The following CXADR variants were observed in gnomAD, a reference collection of about 807,000 sequenced individuals.
CXADR encodes CXADR cell adhesion molecule.
In CXADR, 20 loss-of-function variants were observed where a neutral mutation model predicts 40.3. That is an observed-to-expected ratio of 0.50 (90% CI 0.35 to 0.72). The LOEUF is 0.72. CXADR is among the 30% of genes least tolerant of loss of function. The pLI is 0.01. For missense variants in CXADR, 332 were observed against 449.1 expected (o/e 0.74, Z 2.36); for synonymous variants, 150 against 161.3 (o/e 0.93, Z 0.53).
intron 1 of CXADR, among the ~76,000 whole-genome samples, chr21:17,533,880 T>C (rs1372678510): frequency 6.6e-6 from 1 of 151,274 alleles, no homozygotes; most frequent in East Asian, 1.9e-4. Context: ...GCTGTATTAA[T>C]TTCCTTAGCT....
intron 7 of CXADR, among the ~76,000 whole-genome samples, chr21:17,577,502 C>G (rs2061329891): frequency 6.7e-6 from 1 of 148,570 alleles, no homozygotes; most frequent in Non-Finnish European, 1.5e-5. Flanking sequence ...GAGTCTTTTT[C>G]ATTCTTTTGA....
intron 6 of CXADR, among the ~76,000 whole-genome samples, chr21:17,564,565 C>A (rs1243255198): frequency 6.6e-6 from 1 of 151,710 alleles, no homozygotes; most frequent in Non-Finnish European, 1.5e-5. Flanking sequence ...GATGTGGAAC[C>A]CGTGGATGTG....
In CXADR at chr21:17,593,287, GCA is replaced by G. The variant is rs139506624; in HGVS notation, c.*97_*98del. On this transcript the variant is annotated 3_prime_UTR_variant, in exon 8 of 8. Transcript: ENST00000400169. ...AAATGTTTTTTAAAAAAAGCACAAG[GCA>G]CAGAGATTAGAGCAGCTGTAAGAAC... 2.8e-3 allele frequency: 3,193 copies of G among 1,143,762 alleles called. 87 individuals are homozygous for G. The African/African-American group carries it at 0.046, about 17-fold the overall frequency. 70.9% of individuals were successfully genotyped at this position (1,143,762 alleles called of 1,614,324 possible).
chr21:17,564,900 A>C (rs947112481), intron 6 of CXADR, among the ~76,000 whole-genome samples: 2 of 151,988 alleles, frequency 1.3e-5, no homozygotes, highest in African/African-American at 4.8e-5. Flanking sequence ...AAGCCCGGCT[A>C]ATTTTTGTAT....
downstream of CXADR, chr21:17,593,815 G>C: frequency 2.8e-6 from 1 of 352,134 alleles, no homozygotes; most frequent in Non-Finnish European, 5.1e-6. Context: ...CAGTGTTCTC[G>C]TATCCAACAG....
intron 1 of CXADR, among the ~76,000 whole-genome samples, chr21:17,541,514 C>T (rs1372625246): frequency 6.6e-6 from 1 of 151,978 alleles, no homozygotes; most frequent in South Asian, 2.1e-4. Context: ...GCCAAGATCG[C>T]GCCACTACAT....
At chr21:17,555,070 A>C (rs2061016752) in intron 3 of CXADR, among the ~76,000 whole-genome samples, 2 of 152,186 alleles carry the variant, frequency 1.3e-5, no homozygotes, top group African/African-American at 4.8e-5. Flanking sequence ...CTCAGTAAAG[A>C]AGCAGAAGTG....
At chr21:17,517,891 TCTGA>T (rs1249112766) in intron 1 of CXADR, among the ~76,000 whole-genome samples, 9 of 152,182 alleles carry the variant, frequency 5.9e-5, no homozygotes, top group African/African-American at 1.9e-4. Flanking sequence ...TTCTTCTGGG[TCTGA>T]CTAGGTAAGT....
the CXADR span, among the ~76,000 whole-genome samples, chr21:17,624,927 A>AT: frequency 6.6e-6 from 1 of 152,268 alleles, no homozygotes; most frequent in Non-Finnish European, 1.5e-5. Context: ...TAAAAGAAAC[A>AT]TCCCCCATTA....
intron 2 of CXADR, among the ~76,000 whole-genome samples, chr21:17,551,142 A>G (rs188628490): frequency 2.6e-5 from 4 of 152,264 alleles, no homozygotes; most frequent in African/African-American, 2.4e-5. Context: ...ACTCACACCT[A>G]TAATCACAGC....
chr21:17,589,713 C>A (rs922860063), intron 7 of CXADR, among the ~76,000 whole-genome samples: 1 of 151,926 alleles, frequency 6.6e-6, no homozygotes, highest in African/African-American at 2.4e-5. Context: ...ATTTTTGCCA[C>A]CCAAAACAAT....
At chr21:17,525,360 G>A (rs1217802457) in intron 1 of CXADR, among the ~76,000 whole-genome samples, 5 of 152,196 alleles carry the variant, frequency 3.3e-5, no homozygotes, top group Non-Finnish European at 5.9e-5. Context: ...ATCGTTAGAT[G>A]TGTGTTCTAT....
chr21:17,617,244 T>C, the CXADR span, among the ~76,000 whole-genome samples: 1 of 152,166 alleles, frequency 6.6e-6, no homozygotes, highest in African/African-American at 2.4e-5. Context: ...TAGGTAGAAC[T>C]TCATATTGGA....
chr21:17,613,031 CG>C, the CXADR span: 1 of 151,924 alleles, frequency 6.6e-6, no homozygotes, highest in African/African-American at 2.4e-5. Flanking sequence ...GGCGGGGCTT[CG>C]CCGCGAGGCC....
chr21:17,545,489 C>T (rs191401503), intron 1 of CXADR, among the ~76,000 whole-genome samples: 3 of 152,142 alleles, frequency 2.0e-5, no homozygotes, highest in South Asian at 2.1e-4. Context: ...GGCAGTGGCA[C>T]GATCTTGGCT....
chr21:17,530,276 T>G, intron 1 of CXADR: 1 of 331,330 alleles, frequency 3.0e-6, no homozygotes, highest in South Asian at 2.4e-5. Flanking sequence ...CCTTCACCCT[T>G]TTTTCCACTC....
the CXADR span, chr21:17,611,819 T>G: frequency 1.3e-5 from 2 of 152,210 alleles, no homozygotes; most frequent in Non-Finnish European, 2.9e-5. Context: ...AAGCTCGGCC[T>G]CGCAGGAGTT....
chr21:17,599,574 T>A, the CXADR span, among the ~76,000 whole-genome samples: 1 of 149,874 alleles, frequency 6.7e-6, no homozygotes, highest in African/African-American at 2.5e-5. Context: ...ACCTCCCAGG[T>A]GTTCAAGTGA....
chr21:17,611,637 A>T, the CXADR span: 1 of 152,254 alleles, frequency 6.6e-6, no homozygotes, highest in African/African-American at 2.4e-5. Context: ...GTCTTGAGTA[A>T]GTAGGCGTCC....
Sources: gnomAD v4.1 joint callset for allele counts (sites outside exome capture counted in the v4.1 genomes callset) on GRCh38, gnomAD v4.1.1 for gene constraint, MANE v1.5 for transcripts, NCBI Gene and HGNC (gene_info 2026-07-23, HGNC 2026-07-21) for gene names.